OTUD7A: variants seen among roughly 807,000 people sequenced by gnomAD.
OTUD7A encodes the protein OTU domain-containing protein 7A.
Under a neutral mutation model 65.7 loss-of-function variants are expected in OTUD7A, and 12 were observed. The ratio of observed to expected loss-of-function variants is 0.18; its 90% CI spans 0.12 to 0.30. OTUD7A has a LOEUF of 0.30. Ranked by LOEUF, OTUD7A falls within the 10% of genes least tolerant of loss-of-function variation. OTUD7A has a pLI of 1.00. For synonymous variants in OTUD7A, 641 were observed against 586.3 expected, an observed-to-expected ratio of 1.09 and a Z score of -1.35; for missense variants, 1,148 against 1,304.8, an observed-to-expected ratio of 0.88 and a Z score of 1.85.
chr15:31,813,242 T>C (rs1250190819), intron 1 of OTUD7A, among the ~76,000 whole-genome samples: 1 of 151,344 alleles, frequency 6.6e-6, no homozygotes, highest in African/African-American at 2.4e-5. Flanking sequence ...CTGATGCAGA[T>C]GCTGATACCT....
At chr15:31,661,968 C>T (rs1255398901) in intron 1 of OTUD7A, among the ~76,000 whole-genome samples, 2 of 152,088 alleles carry the variant, frequency 1.3e-5, no homozygotes, top group Admixed American at 6.6e-5. Flanking sequence ...TTACTGATTG[C>T]TCCTATGGTG....
At chr15:31,514,451 T>C (rs1367961270) in intron 8 of OTUD7A, among the ~76,000 whole-genome samples, 7 of 152,116 alleles carry the variant, frequency 4.6e-5, no homozygotes. Context: ...TATTTTCATC[T>C]TTCTCTCCCT....
intron 1 of OTUD7A, among the ~76,000 whole-genome samples, chr15:31,714,681 C>G (rs1893537466): frequency 2.0e-5 from 3 of 152,180 alleles, no homozygotes. Context: ...CAAATTCTGT[C>G]AGCACACATT....
At chr15:31,504,204 CTGTT>C (rs1277927922) in intron 8 of OTUD7A, among the ~76,000 whole-genome samples, 4 of 152,108 alleles carry the variant, frequency 2.6e-5, no homozygotes, top group African/African-American at 7.2e-5. Flanking sequence ...GGTTCCTCTC[CTGTT>C]TATTTCTCTC....
intron 5 of OTUD7A, among the ~76,000 whole-genome samples, chr15:31,553,536 A>G (rs997418145): frequency 2.6e-5 from 4 of 151,974 alleles, no homozygotes; most frequent in African/African-American, 9.7e-5. Context: ...TACAAGTCTC[A>G]CTACAGTCTC....
intron 1 of OTUD7A, among the ~76,000 whole-genome samples, chr15:31,810,400 G>T (rs1896387387): frequency 6.6e-6 from 1 of 152,196 alleles, no homozygotes; most frequent in Admixed American, 6.5e-5. Context: ...AAGTATAAAT[G>T]AGGTCATAAT....
chr15:31,662,760 T>C (rs1254000151), intron 1 of OTUD7A, among the ~76,000 whole-genome samples: 1 of 152,194 alleles, frequency 6.6e-6, no homozygotes, highest in Admixed American at 6.5e-5. Flanking sequence ...AAATTTTGAG[T>C]TCATTCTAAT....
intron 5 of OTUD7A, among the ~76,000 whole-genome samples, chr15:31,539,814 G>A (rs1016766437): frequency 6.6e-6 from 1 of 152,134 alleles, no homozygotes; most frequent in African/African-American, 2.4e-5. Flanking sequence ...ACAAAGTCCC[G>A]AAAACTGGTG....
intron 3 of OTUD7A, 78 bp downstream of exon 3, chr15:31,655,018 T>C: frequency 6.6e-7 from 1 of 1,517,328 alleles, no homozygotes; most frequent in Non-Finnish European, 8.9e-7. Context: ...ACCACTGTCA[T>C]CAGGTATTGG....
chr15:31,610,766 C>T (rs1238964526), intron 3 of OTUD7A, among the ~76,000 whole-genome samples: 7 of 150,786 alleles, frequency 4.6e-5, no homozygotes, highest in South Asian at 2.1e-4. Flanking sequence ...GGACTACAGG[C>T]GCCCGCCACC....
chr15:31,655,074 G>C, intron 3 of OTUD7A, 22 bp downstream of exon 3: 1 of 1,610,242 alleles, frequency 6.2e-7, no homozygotes, highest in South Asian at 1.1e-5. Context: ...TGGTGGTGTG[G>C]GGAACAAGGA....
intron 1 of OTUD7A, among the ~76,000 whole-genome samples, chr15:31,741,823 T>C (rs1335180702): frequency 2.6e-5 from 4 of 151,902 alleles, no homozygotes; most frequent in African/African-American, 9.7e-5. Context: ...AAGACAATGA[T>C]GAAGATCAGA....
Position 31,796,183 on chromosome 15 carries a change from A to G in OTUD7A, c.-100+74324T>C, listed in dbSNP as rs1173738533. ...TGTGTGTGTATCTATGTATGTATCT[A>G]TGCATTATCTATCTATCTATCTATC... On this transcript the variant is annotated intron_variant, in intron 1 of 12. Coordinates refer to ENST00000307050, the MANE Select transcript of OTUD7A (RefSeq NM_001382637.1). 2.1e-3 allele frequency among the ~76,000 whole-genome samples: 245 copies of G among 118,712 alleles called. 2 individuals carry two copies. Among genetic ancestry groups the G allele is most frequent in the African/African-American group, 7.0e-3 (234 of 33,368 alleles). 77.9% of individuals were successfully genotyped at this position (118,712 alleles called of 152,430 possible).
Position 31,483,495 on chromosome 15 carries a change from G to A in OTUD7A, c.2601C>T (p.Asp867=), listed in dbSNP as rs1336409429. 3.6e-6 allele frequency: 5 copies of A among 1,396,294 alleles called. No homozygotes were observed. In the South Asian group the frequency reaches 5.5e-5, roughly 15 times the overall value. 86.5% of individuals were successfully genotyped at this position (1,396,294 alleles called of 1,614,324 possible). A position where few individuals can be genotyped will look rare whatever the true frequency, so the allele number is the denominator to read the frequency against. ...CGTCGGCGTCGGCGAACTCCAGGCC[G>A]TCGCGCAGGGCGCCGAAGCCGTTGG... ...TYTNGFGALR[D]GLEFADADAP... Residue 867 remains aspartate, a synonymous_variant, in exon 13 of 13, where the codon GAC becomes GAT. Transcript: ENST00000307050.
At chr15:31,817,827 C>T (rs966261918) in intron 1 of OTUD7A, among the ~76,000 whole-genome samples, 7 of 152,214 alleles carry the variant, frequency 4.6e-5, no homozygotes, top group African/African-American at 1.7e-4. Context: ...TACACAGAGG[C>T]ACTGCTGCAG....
intron 1 of OTUD7A, among the ~76,000 whole-genome samples, chr15:31,732,552 T>G (rs1566993300): frequency 6.6e-6 from 1 of 152,256 alleles, no homozygotes. Context: ...AACTAAAAAG[T>G]TGGTTCTTGG....
intron 3 of OTUD7A, among the ~76,000 whole-genome samples, chr15:31,619,494 G>A (rs570736818): frequency 5.1e-4 from 78 of 152,174 alleles, no homozygotes; most frequent in African/African-American, 1.8e-3. Context: ...CACATCCCTT[G>A]TAAGTTGGAT....
rs117581711 is a variant in OTUD7A at position 31,586,530 on chromosome 15, T to C, written c.152-16333A>G. On this transcript the variant is annotated intron_variant, in intron 3 of 12. Coordinates refer to ENST00000307050, the MANE Select transcript of OTUD7A (RefSeq NM_001382637.1). ...ACAGCCCTGCTGTGAGCTTGCCTTGTGACTTTGGGCAACTTCTGCCTCCTC... is the reference window on the plus strand; with the variant it reads ...ACAGCCCTGCTGTGAGCTTGCCTTGCGACTTTGGGCAACTTCTGCCTCCTC... Among the ~76,000 whole-genome samples, 170 of 152,298 alleles carry C rather than the reference T, an allele frequency of 1.1e-3. No homozygotes were observed. In the East Asian group the frequency reaches 0.023, roughly 21 times the overall value.
At chr15:31,788,280 T>C (rs1397776494) in intron 1 of OTUD7A, among the ~76,000 whole-genome samples, 1 of 152,204 alleles carries the variant, frequency 6.6e-6, no homozygotes, top group Non-Finnish European at 1.5e-5. Context: ...CAAAGGACTC[T>C]TTGGGCTACA....
Sources: allele counts gnomAD v4.1 joint callset (sites outside exome capture counted in the v4.1 genomes callset), GRCh38; gene constraint gnomAD v4.1.1; transcripts MANE v1.5; gene names NCBI Gene and HGNC (gene_info 2026-07-23, HGNC 2026-07-21).